The following FAS variants were observed in gnomAD, a reference collection of about 807,000 sequenced individuals.
FAS encodes the protein tumor necrosis factor receptor superfamily member 6.
FAS carries 5 observed loss-of-function variants against 33.2 expected under a neutral mutation model. The observed-to-expected ratio is 0.15, with a 90% CI of 0.08 to 0.32. The LOEUF (loss-of-function observed/expected upper bound fraction) is 0.32, where lower values mean the gene tolerates loss of function less well. Ranked by LOEUF, FAS falls within the 10% of genes least tolerant of loss-of-function variation. The pLI is 1.00. For synonymous variants in FAS, 131 were observed against 130.7 expected, an observed-to-expected ratio of 1.00 and a Z score of -0.01; for missense variants, 339 against 386.0, an observed-to-expected ratio of 0.88 and a Z score of 1.02.
chr10:88,998,648 C>G (rs1847743253), intron 1 of FAS, among the ~76,000 whole-genome samples: 1 of 152,140 alleles, frequency 6.6e-6, no homozygotes, highest in South Asian at 2.1e-4. Flanking sequence ...CCATGACAGT[C>G]CTGAATCTCC....
chr10:88,988,647 G>T (rs1359985134), upstream of FAS, among the ~76,000 whole-genome samples: 1 of 152,044 alleles, frequency 6.6e-6, no homozygotes, highest in Non-Finnish European at 1.5e-5. Context: ...GCCCTTGAAG[G>T]CCTGAGGACT....
intron 2 of FAS, among the ~76,000 whole-genome samples, chr10:89,006,650 A>G (rs1848245259): frequency 1.3e-5 from 2 of 152,072 alleles, no homozygotes; most frequent in Admixed American, 6.6e-5. Flanking sequence ...AGCTTTCCCC[A>G]TAGCATTTTT....
chr10:88,985,830 A>G (rs549262477), upstream of FAS, among the ~76,000 whole-genome samples: 3 of 152,334 alleles, frequency 2.0e-5, no homozygotes, highest in East Asian at 1.9e-4. Flanking sequence ...GAGGAAGTCT[A>G]AAGTAGAGAG....
At chr10:88,980,381 G>A (rs1846682081) in intron 2 of FAS, among the ~76,000 whole-genome samples, 1 of 152,232 alleles carries the variant, frequency 6.6e-6, no homozygotes, top group Non-Finnish European at 1.5e-5. Flanking sequence ...CATAACCACA[G>A]TGGAGGTGAC....
chr10:88,964,500 G>T (rs1014601270), intron 1 of FAS, among the ~76,000 whole-genome samples: 1 of 152,308 alleles, frequency 6.6e-6, no homozygotes, highest in African/African-American at 2.4e-5. Flanking sequence ...AGTCTGTTAT[G>T]TAGATTTCCC....
At chr10:88,967,278 T>C (rs188589120) in intron 1 of FAS, among the ~76,000 whole-genome samples, 1 of 152,278 alleles carries the variant, frequency 6.6e-6, no homozygotes, top group Admixed American at 6.5e-5. Flanking sequence ...TTACCTATGA[T>C]AAAAGGCATC....
At chr10:88,990,628 G>A (rs1800038887), upstream of FAS, 2 of 690,790 alleles carry the variant, frequency 2.9e-6, no homozygotes, top group Admixed American at 4.0e-5. The surrounding 1 kb of genome is among the most constrained non-coding windows in gnomAD (Gnocchi z 4.9). Context: ...GACCACCGGG[G>A]CTTTTCGTGA....
At chr10:89,004,532 T>A (rs1400367385) in intron 2 of FAS, among the ~76,000 whole-genome samples, 1 of 122,210 alleles carries the variant, frequency 8.2e-6, no homozygotes, top group African/African-American at 3.1e-5. Context: ...CAACCCACTG[T>A]TTATACTTGC....
chr10:89,008,527 T>C (rs1019588190), intron 3 of FAS, among the ~76,000 whole-genome samples: 11 of 152,316 alleles, frequency 7.2e-5, no homozygotes, highest in Admixed American at 2.0e-4. Flanking sequence ...GACCTTGGTA[T>C]TGGCCTGATG....
rs757367051 is a variant in FAS, at chr10:89,014,188, T to C, written c.746T>C (p.Val249Ala). Residue 249 changes from valine to alanine, a missense_variant, in exon 9 of 9, where the codon GTT becomes GCT. Physicochemically the swap from Val to Ala is moderately conservative, Grantham distance 64. Coordinates refer to ENST00000652046, the MANE Select transcript of FAS (RefSeq NM_000043.6). The part of the protein sequence containing the change: ...VMTLSQVKGF[V>A]RKNGVNEAKI... ...ACACTAAGTCAAGTTAAAGGCTTTGTTCGAAAGAATGGTGTCAATGAAGCC... is the reference window on the plus strand; with the variant it reads ...ACACTAAGTCAAGTTAAAGGCTTTGCTCGAAAGAATGGTGTCAATGAAGCC... The C allele has an allele frequency of 2.5e-6, 4 of 1,613,932 alleles. No homozygotes were observed. Among genetic ancestry groups the C allele is most frequent in the Non-Finnish European group, 3.4e-6 (4 of 1,179,926 alleles).
upstream of FAS, among the ~76,000 whole-genome samples, chr10:88,985,459 T>G (rs11202921): frequency 0.28 from 41,862 of 152,200 alleles, 6,149 homozygotes; most frequent in Non-Finnish European, 0.32. Flanking sequence ...GAAAACCACC[T>G]ATGTCTCCTT....
rs1319814319 is a variant in FAS at position 89,010,767 on chromosome 10, T to C, written c.520T>C (p.Leu174=). Residue 174 remains leucine (L), a synonymous_variant, in exon 6 of 9, where the codon TTG becomes CTG. Transcript: ENST00000652046. ...KCKEEGSRSN[L]GWLCLLLLPI... ...CCAACCTACAGGATCCAGATCTAAC[T>C]TGGGGTGGCTTTGTCTTCTTCTTTT... is the stretch of plus-strand genomic sequence containing the variant. 6.2e-7 allele frequency: 1 copy of C among 1,614,118 alleles called. No individual in the cohort carries two copies. The highest frequency in any genetic ancestry group is 1.1e-5 in the South Asian group (1 of 91,082).
intron 1 of FAS, among the ~76,000 whole-genome samples, chr10:88,964,175 G>A (rs2133306336): frequency 6.6e-6 from 1 of 151,760 alleles, no homozygotes; most frequent in South Asian, 2.1e-4. Flanking sequence ...TGTATGGGAG[G>A]AAAAAAGAAT....
chr10:88,971,088 T>A (rs542033504), intron 1 of FAS, among the ~76,000 whole-genome samples: 22 of 152,344 alleles, frequency 1.4e-4, no homozygotes, highest in Admixed American at 1.4e-3. Context: ...TTTTCCCGAA[T>A]AATGGCGTCT....
At chr10:89,007,952 G>A in intron 3 of FAS, 115 bp downstream of exon 3, 3 of 1,509,812 alleles carry the variant, frequency 2.0e-6, no homozygotes, top group South Asian at 1.1e-5. Context: ...ACACAGGAAA[G>A]GGAAGGACAG....
chr10:89,004,505 T>A (rs948917630), intron 2 of FAS, among the ~76,000 whole-genome samples: 1 of 120,182 alleles, frequency 8.3e-6, no homozygotes, highest in Non-Finnish European at 1.7e-5. Flanking sequence ...CCCAATGCTA[T>A]CCCTCCCCCC....
At chr10:88,989,432 C>A (rs1481826478), upstream of FAS, 1 of 534,672 alleles carries the variant, frequency 1.9e-6, no homozygotes, top group African/African-American at 1.9e-5. Flanking sequence ...TGCCCATATA[C>A]CATCCTCCTT....
At position 88,990,857 on chromosome 10, in the gene FAS, C is replaced by G; in HGVS notation, c.-20C>G. 1 of 1,614,234 alleles carries G rather than the reference C, an allele frequency of 6.2e-7. No homozygotes were observed. The highest frequency in any genetic ancestry group is 8.5e-7 in the Non-Finnish European group (1 of 1,180,042). On this transcript the variant is annotated 5_prime_UTR_variant, in exon 1 of 9. Coordinates refer to ENST00000652046, the MANE Select transcript of FAS (RefSeq NM_000043.6). This position sits in a 1 kb window ranked among gnomAD's most constrained non-coding sequence, Gnocchi z 4.9. Reference sequence around the variant, plus strand: ...CGGAGTTGGGGAAGCTCTTTCACTTCGGAGGATTGCTCAACAACCATGCTG... The same window carrying G: ...CGGAGTTGGGGAAGCTCTTTCACTTGGGAGGATTGCTCAACAACCATGCTG...
chr10:88,981,124 C>T (rs576507671), intron 2 of FAS, among the ~76,000 whole-genome samples: 49 of 152,290 alleles, frequency 3.2e-4, no homozygotes, highest in African/African-American at 1.1e-3. Flanking sequence ...CAAGAGAGAG[C>T]GGGGCCAGTC....
Sources: gnomAD v4.1 joint callset for allele counts (sites outside exome capture counted in the v4.1 genomes callset) on GRCh38, gnomAD v4.1.1 for gene constraint, Gnocchi (gnomAD v3.1) non-coding constraint, MANE v1.5 for transcripts, NCBI Gene and HGNC (gene_info 2026-07-23, HGNC 2026-07-21) for gene names.